The following IQGAP2 variants were observed in gnomAD, a reference collection of about 807,000 sequenced individuals.
The protein encoded by IQGAP2 is IQ motif containing GTPase activating protein 2, also known as ras GTPase-activating-like protein IQGAP2.
IQGAP2 carries 173 observed loss-of-function variants against 201.3 expected under a neutral mutation model. The ratio of observed to expected loss-of-function variants is 0.86; its 90% CI spans 0.76 to 0.98. IQGAP2 has a LOEUF of 0.98. Among genes scored for constraint, IQGAP2 ranks in the 50% least tolerant of loss-of-function variants. The probability of loss-of-function intolerance (pLI) is 0.00; values close to 1 mark genes in which losing one functional copy is unlikely to be tolerated. For synonymous variants in IQGAP2, 675 were observed against 673.9 expected (o/e 1.00, Z -0.03); for missense variants, 1,687 against 1,864.8 (o/e 0.90, Z 1.76).
At chr5:76,690,455 GGGATT>G (rs1209756919) in intron 30 of IQGAP2, among the ~76,000 whole-genome samples, 1 of 152,144 alleles carries the variant, frequency 6.6e-6, no homozygotes, top group Admixed American at 6.5e-5. Context: ...TGTACAATCA[GGGATT>G]GGATTGTTTT....
chr5:76,420,835 G>A (rs1176581767), intron 1 of IQGAP2, among the ~76,000 whole-genome samples: 5 of 152,126 alleles, frequency 3.3e-5, no homozygotes, highest in Non-Finnish European at 7.3e-5. Context: ...ACAGTATTTG[G>A]TCTTTTATGT....
chr5:76,476,808 A>G (rs373643905), intron 2 of IQGAP2, among the ~76,000 whole-genome samples: 2 of 152,354 alleles, frequency 1.3e-5, no homozygotes. Flanking sequence ...TAGCTGTGAC[A>G]TACACTTTCA....
intron 13 of IQGAP2, among the ~76,000 whole-genome samples, chr5:76,622,203 G>A (rs902353518): frequency 9.9e-5 from 15 of 151,576 alleles, no homozygotes; most frequent in East Asian, 5.8e-4. Context: ...CCCTATTAGC[G>A]TCTTGAAGGA....
intron 9 of IQGAP2, among the ~76,000 whole-genome samples, chr5:76,594,466 G>A (rs116757758): frequency 3.4e-3 from 517 of 152,162 alleles, no homozygotes; most frequent in African/African-American, 0.012. Context: ...TTAAGTAAAA[G>A]GCATTGGATG....
intron 2 of IQGAP2, among the ~76,000 whole-genome samples, chr5:76,507,774 G>A (rs1293252835): frequency 6.6e-6 from 1 of 152,212 alleles, no homozygotes; most frequent in Non-Finnish European, 1.5e-5. Context: ...CACTTTGGGA[G>A]GCTGAGGCAG....
At chr5:76,610,098 A>C (rs1561506134) in intron 12 of IQGAP2, among the ~76,000 whole-genome samples, 22 of 13,844 alleles carry the variant, frequency 1.6e-3, no homozygotes, top group East Asian at 3.8e-3. Context: ...ATATATATAT[A>C]TATATATATA....
rs58225513 is a variant in IQGAP2, at chr5:76,706,318, GTGTTTTTGTTTTTGTTTT to G, written c.4615-862_4615-845del. On this transcript the variant is annotated intron_variant, in intron 35 of 35. Coordinates refer to ENST00000274364, the MANE Select transcript of IQGAP2 (RefSeq NM_006633.5). ...TCACTTTAAAAAAACACTGCTTTCT[GTGTTTTTGTTTTTGTTTT>G]TGTTTTTGTTTTTGTTTTTCGGGTT... Among the ~76,000 whole-genome samples the G allele has an allele frequency of 9.6e-4, 145 of 150,784 alleles. 1 individual carries two copies. Among genetic ancestry groups the G allele is most frequent in the Non-Finnish European group, 4.6e-4 (31 of 67,672 alleles).
At chr5:76,515,852 T>C (rs1206624270) in intron 2 of IQGAP2, among the ~76,000 whole-genome samples, 1 of 151,414 alleles carries the variant, frequency 6.6e-6, no homozygotes. Flanking sequence ...AATGTCCTCA[T>C]TGAGGAACAA....
chr5:76,640,429 C>A (rs1305598343), intron 16 of IQGAP2, among the ~76,000 whole-genome samples: 7 of 152,152 alleles, frequency 4.6e-5, no homozygotes, highest in Non-Finnish European at 1.0e-4. Context: ...CTTGCCTCTC[C>A]CACCCCTTTG....
In IQGAP2 at chr5:76,479,947, C is replaced by T. The variant is rs74504462; in HGVS notation, c.146+18278C>T. On this transcript the variant is annotated intron_variant, in intron 2 of 35. Transcript: ENST00000274364. ...GTAGATGGAGTATTATTTTCTTACT[C>T]CTGATGTGTCTCCCAGGCTGGATGA... Among the ~76,000 whole-genome samples, 407 of 152,114 alleles carry T rather than the reference C, an allele frequency of 2.7e-3. 5 individuals are homozygous for T. The highest frequency in any genetic ancestry group is 9.2e-3 in the African/African-American group (381 of 41,470).
At chr5:76,463,814 T>C (rs1431325647) in intron 2 of IQGAP2, among the ~76,000 whole-genome samples, 1 of 152,088 alleles carries the variant, frequency 6.6e-6, no homozygotes, top group Non-Finnish European at 1.5e-5. Context: ...TATGAATCTT[T>C]TATTAAGACA....
At chr5:76,524,329 T>G (rs1393988380) in intron 2 of IQGAP2, among the ~76,000 whole-genome samples, 2 of 152,326 alleles carry the variant, frequency 1.3e-5, no homozygotes, top group South Asian at 2.1e-4. Flanking sequence ...TCCCTGAGGC[T>G]GGGATAATTA....
chr5:76,613,415 C>A (rs540895024), intron 13 of IQGAP2, among the ~76,000 whole-genome samples: 3 of 152,250 alleles, frequency 2.0e-5, no homozygotes, highest in South Asian at 4.1e-4. Context: ...TTGGTCAAAT[C>A]ATCAAATCTC....
At chr5:76,603,042 T>C (rs1359919599) in intron 11 of IQGAP2, among the ~76,000 whole-genome samples, 2 of 152,250 alleles carry the variant, frequency 1.3e-5, no homozygotes, top group African/African-American at 2.4e-5. Flanking sequence ...TTCTGTTTGA[T>C]TGTTCCTTGT....
intron 12 of IQGAP2, among the ~76,000 whole-genome samples, chr5:76,608,512 A>T (rs1176844135): frequency 2.0e-5 from 3 of 152,218 alleles, no homozygotes; most frequent in African/African-American, 4.8e-5. Flanking sequence ...TATAGTAATT[A>T]AGTCATCTGA....
Position 76,597,439 on chromosome 5 carries a change from G to A in IQGAP2, c.908G>A (p.Arg303Lys), listed in dbSNP as rs1464695781. The change falls in exon 10 of 36, where the codon AGG (arginine) becomes AAG (lysine). Residue 303 changes from arginine to lysine, a missense_variant and splice_region_variant. By Grantham distance (26) the Arg-to-Lys change is conservative. Transcript: ENST00000274364. ...EIQGNINKVN[R>K]QAAVDHINAV... ...ACAAAACATGAACCCCCATCCTCAGGGCAGGCTGCAGTGGACCATATCAAT... is the reference window on the plus strand; with the variant it reads ...ACAAAACATGAACCCCCATCCTCAGAGCAGGCTGCAGTGGACCATATCAAT... 1 of 1,613,588 alleles carries A rather than the reference G, an allele frequency of 6.2e-7. No individual in the cohort carries two copies. Among genetic ancestry groups the A allele is most frequent in the Non-Finnish European group, 8.5e-7 (1 of 1,179,778 alleles).
Position 76,570,654 on chromosome 5 carries a change from CAAGGT to C in IQGAP2, c.381+1_381+5del. On this transcript the variant is annotated splice_donor_variant and coding_sequence_variant, in exon 4 of 36. Coordinates refer to ENST00000274364, the MANE Select transcript of IQGAP2 (RefSeq NM_006633.5). LOFTEE classifies it high-confidence loss of function. ...GAGCGATGGAGTCTATTGGTCTACC[CAAGGT>C]AAGCCTTCACGCACTGGAATCTGAA... 6.2e-7 allele frequency: 1 copy of C among 1,609,140 alleles called. No homozygotes were observed. The highest frequency in any genetic ancestry group is 8.5e-7 in the Non-Finnish European group (1 of 1,175,580).
chr5:76,586,192 G>A (rs62362014), intron 5 of IQGAP2, among the ~76,000 whole-genome samples: 23,514 of 152,050 alleles, frequency 0.15, 1,993 homozygotes, highest in Admixed American at 0.28. Flanking sequence ...CTTTAACTAA[G>A]GAATGTATCC....
At chr5:76,544,276 G>A (rs1024392160) in intron 2 of IQGAP2, among the ~76,000 whole-genome samples, 1 of 152,134 alleles carries the variant, frequency 6.6e-6, no homozygotes, top group African/African-American at 2.4e-5. Flanking sequence ...AAGGAGTAAA[G>A]ACCCTGAATC....
Sources: allele counts gnomAD v4.1 joint callset (sites outside exome capture counted in the v4.1 genomes callset), GRCh38; gene constraint gnomAD v4.1.1; transcripts MANE v1.5; gene names NCBI Gene and HGNC (gene_info 2026-07-23, HGNC 2026-07-21).